RIMBP2: variants seen among roughly 807,000 people sequenced by gnomAD.
RIMBP2 encodes the protein RIMS binding protein 2, also known as RIMS-binding protein 2.
In RIMBP2, 48 loss-of-function variants were observed where a neutral mutation model predicts 118.6. The observed-to-expected ratio is 0.40, with a 90% confidence interval of 0.32 to 0.51. The LOEUF (loss-of-function observed/expected upper bound fraction) is 0.51, where lower values mean the gene tolerates loss of function less well. RIMBP2 is among the 20% of genes least tolerant of loss of function. The pLI is 0.41. For missense variants in RIMBP2, 1,551 were observed against 1,768.3 expected, an observed-to-expected ratio of 0.88 and a Z score of 2.20; for synonymous variants, 762 against 742.9, an observed-to-expected ratio of 1.03 and a Z score of -0.42.
rs568295236 is a variant in RIMBP2 at position 130,501,313 on chromosome 12, G to A, written c.-4+5335C>T. On this transcript the variant is annotated intron_variant, in intron 4 of 22. Coordinates refer to ENST00000690449, the MANE Select transcript of RIMBP2 (RefSeq NM_001393629.1). ...GTTTTTTTTCTGTGCGGCCACTGGA[G>A]TGACCCTCTACAAACCAAAGCCAGA... 5.3e-5 allele frequency among the ~76,000 whole-genome samples: 8 copies of A among 152,200 alleles called. No individual in the cohort carries two copies. The East Asian group carries it at 1.4e-3, about 26-fold the overall frequency.
rs2076287397 is a variant in RIMBP2 at position 130,419,419 on chromosome 12, A to G, written c.3238+3034T>C. Reference sequence around the variant, plus strand: ...GCCATAAGAATAAGCACCGTCTTCTACAGGAGAGAGGTTTCCCTCACTACC... The same window carrying G: ...GCCATAAGAATAAGCACCGTCTTCTGCAGGAGAGAGGTTTCCCTCACTACC... On this transcript the variant is annotated intron_variant, in intron 17 of 22. Coordinates refer to ENST00000690449, the MANE Select transcript of RIMBP2 (RefSeq NM_001393629.1). This position sits in a 1 kb window ranked among gnomAD's most constrained non-coding sequence, Gnocchi z 4.3. The G allele has an allele frequency of 6.6e-6, 1 of 152,264 alleles. No homozygotes were observed. The allele number at this position is 152,264 out of a possible 1,614,324, so 9.4% of individuals were successfully genotyped here.
chr12:130,566,279 G>C (rs540546820), intron 2 of RIMBP2, among the ~76,000 whole-genome samples: 1 of 152,250 alleles, frequency 6.6e-6, no homozygotes, highest in South Asian at 2.1e-4. Context: ...GGCAATAATA[G>C]AGAAAGTGGA....
At chr12:130,534,080 C>T (rs561334264) in intron 2 of RIMBP2, among the ~76,000 whole-genome samples, 2 of 150,330 alleles carry the variant, frequency 1.3e-5, no homozygotes, top group South Asian at 2.1e-4. Flanking sequence ...GCAGGATAAT[C>T]GCTTGAACAC....
chr12:130,454,808 T>C (rs2079283635), intron 7 of RIMBP2, among the ~76,000 whole-genome samples: 1 of 152,232 alleles, frequency 6.6e-6, no homozygotes, highest in Non-Finnish European at 1.5e-5. Context: ...GGGTTCCACA[T>C]TCACATGCTG....
intron 1 of RIMBP2, among the ~76,000 whole-genome samples, chr12:130,649,655 AG>A (rs1451957152): frequency 6.6e-6 from 1 of 152,148 alleles, no homozygotes; most frequent in African/African-American, 2.4e-5. Context: ...CCATGCTAGG[AG>A]GACCAACTCA....
In RIMBP2 at chr12:130,576,091, T is replaced by C. The variant is rs1343499476; in HGVS notation, c.-217+52231A>G. Among the ~76,000 whole-genome samples the C allele has an allele frequency of 6.7e-6, 1 of 149,664 alleles. No homozygotes were observed. The highest frequency in any genetic ancestry group is 1.5e-5 in the Non-Finnish European group (1 of 67,450). On this transcript the variant is annotated intron_variant, in intron 2 of 22. Transcript: ENST00000690449. The surrounding 1 kb of genome is among the most constrained non-coding windows in gnomAD (Gnocchi z 4.2). ...GGAACTGTGTACTCTGCAGGGAGGC[T>C]GGTGCGGGGGGACCGTTAGGCAAAG...
chr12:130,494,545 G>A (rs866041083), intron 4 of RIMBP2, among the ~76,000 whole-genome samples: 2 of 151,914 alleles, frequency 1.3e-5, no homozygotes, highest in African/African-American at 4.8e-5. Flanking sequence ...AAGCTGAAGA[G>A]GGAGAATCGC....
chr12:130,507,057 C>T (rs370266437), intron 3 of RIMBP2, among the ~76,000 whole-genome samples: 6 of 152,322 alleles, frequency 3.9e-5, no homozygotes, highest in African/African-American at 1.2e-4. Flanking sequence ...TCAGTGTAAT[C>T]TCATCCCCTG....
At chr12:130,460,217 C>G (rs2079853613) in intron 6 of RIMBP2, among the ~76,000 whole-genome samples, 2 of 152,146 alleles carry the variant, frequency 1.3e-5, no homozygotes, top group African/African-American at 4.8e-5. Flanking sequence ...ACGGGGAACC[C>G]TCAGCTCTAG....
Position 130,406,259 on chromosome 12 carries a change from A to G in RIMBP2, c.3694-16T>C, listed in dbSNP as rs1565984568. On this transcript the variant is annotated splice_polypyrimidine_tract_variant and intron_variant, in intron 20 of 22. Coordinates refer to ENST00000690449, the MANE Select transcript of RIMBP2 (RefSeq NM_001393629.1). ...TAAGTTCGGCCTGTGGAGATGAAAC[A>G]TAAAATTAATCGTATTTTTCTACAC... The G allele has an allele frequency of 6.4e-7, 1 of 1,553,166 alleles. No individual in the cohort carries two copies. The highest frequency in any genetic ancestry group is 1.7e-4 in the Middle Eastern group (1 of 5,788).
intron 6 of RIMBP2, among the ~76,000 whole-genome samples, chr12:130,462,116 G>A (rs2080048122): frequency 6.6e-6 from 1 of 152,240 alleles, no homozygotes; most frequent in Non-Finnish European, 1.5e-5. Context: ...AGCAGGTTGG[G>A]TGTGTGGGGG....
intron 6 of RIMBP2, among the ~76,000 whole-genome samples, chr12:130,458,252 A>C (rs1330646042): frequency 6.6e-6 from 1 of 152,204 alleles, no homozygotes; most frequent in Non-Finnish European, 1.5e-5. Context: ...TCATTAAAAG[A>C]AATCAGCAGT....
rs2065934930 is a variant in RIMBP2 at position 130,703,056 on chromosome 12, G to A, written c.-352+13166C>T. Among the ~76,000 whole-genome samples the A allele has an allele frequency of 6.6e-6, 1 of 152,174 alleles. No homozygotes were observed. The highest frequency in any genetic ancestry group is 1.5e-5 in the Non-Finnish European group (1 of 68,030). On this transcript the variant is annotated intron_variant, in intron 1 of 22. Coordinates refer to ENST00000690449, the MANE Select transcript of RIMBP2 (RefSeq NM_001393629.1). This position sits in a 1 kb window ranked among gnomAD's most constrained non-coding sequence, Gnocchi z 5.7. ...TGCTGCTACTCAGATGCCCGGAGAA[G>A]TTCATTAGAACAGGATTTTCCTGTA...
chr12:130,605,927 G>A (rs77974748), intron 2 of RIMBP2, among the ~76,000 whole-genome samples: 26,218 of 151,954 alleles, frequency 0.17, 3,170 homozygotes, highest in East Asian at 0.35. Context: ...AATTAGCCAG[G>A]CATGGTGGTG....
At chr12:130,539,860 A>C (rs372526617) in intron 2 of RIMBP2, among the ~76,000 whole-genome samples, 1 of 121,456 alleles carries the variant, frequency 8.2e-6, no homozygotes, top group Non-Finnish European at 1.7e-5. Flanking sequence ...CAGGTGTAGG[A>C]TATGGCAAAT....
At chr12:130,663,423 GA>G (rs1236427231) in intron 1 of RIMBP2, among the ~76,000 whole-genome samples, 5 of 152,000 alleles carry the variant, frequency 3.3e-5, no homozygotes, top group African/African-American at 4.8e-5. Flanking sequence ...GCAGCAGACA[GA>G]AAGCTTTTAT....
In RIMBP2 at chr12:130,412,612, C is replaced by T. The variant is rs184116412; in HGVS notation, c.3589+7G>A. On this transcript the variant is annotated splice_region_variant and intron_variant, in intron 19 of 22. Coordinates refer to ENST00000690449, the MANE Select transcript of RIMBP2 (RefSeq NM_001393629.1). ...ACAGGGAAGGTCGAATAGGGGTTTGCGCTTACCTATTTTCTCCACAGGTGT... is the reference window on the plus strand; with the variant it reads ...ACAGGGAAGGTCGAATAGGGGTTTGTGCTTACCTATTTTCTCCACAGGTGT... The T allele has an allele frequency of 7.8e-5, 125 of 1,612,790 alleles. No homozygotes were observed. The African/African-American group carries it at 9.2e-4, about 12-fold the overall frequency.
intron 2 of RIMBP2, among the ~76,000 whole-genome samples, chr12:130,609,274 G>A (rs1311170515): frequency 4.6e-5 from 7 of 152,064 alleles, no homozygotes; most frequent in African/African-American, 1.7e-4. Context: ...ATTCCCACTA[G>A]CCAAGGTGTG....
In RIMBP2 at chr12:130,509,726, GC is replaced by G. The variant is rs376491702; in HGVS notation, c.-126-2957del. Among the ~76,000 whole-genome samples, 425 of 148,146 alleles carry G rather than the reference GC, an allele frequency of 2.9e-3. 8 individuals carry two copies. Among genetic ancestry groups the G allele is most frequent in the African/African-American group, 0.01 (408 of 38,934 alleles). ...TGCAGGTGTCCTGCCCATGCCCTCT[GC>G]CCCCCCGCCCCGGCAACAGCACCCA... On this transcript the variant is annotated intron_variant, in intron 3 of 22. Transcript: ENST00000690449.
Sources: allele counts gnomAD v4.1 joint callset (sites outside exome capture counted in the v4.1 genomes callset), GRCh38; gene constraint gnomAD v4.1.1; non-coding constraint Gnocchi (gnomAD v3.1); transcripts MANE v1.5; gene names NCBI Gene and HGNC (gene_info 2026-07-23, HGNC 2026-07-21).